NFIX: variants seen among roughly 807,000 people sequenced by gnomAD.
NFIX encodes nuclear factor I X.
In NFIX, 2 loss-of-function variants were observed where a neutral mutation model predicts 53.3. That is an observed-to-expected ratio of 0.04 (90% confidence interval 0.02 to 0.12). The LOEUF (loss-of-function observed/expected upper bound fraction) is 0.12, where lower values mean the gene tolerates loss of function less well. Among genes scored for constraint, NFIX ranks in the 10% least tolerant of loss-of-function variants. The pLI is 1.00. For synonymous variants in NFIX, 244 were observed against 289.0 expected, an observed-to-expected ratio of 0.84 and a Z score of 1.58; for missense variants, 310 against 674.5, an observed-to-expected ratio of 0.46 and a Z score of 5.99.
chr19:13,054,243 C>T (rs1284063106), intron 2 of NFIX, among the ~76,000 whole-genome samples: 2 of 152,208 alleles, frequency 1.3e-5, no homozygotes, highest in Non-Finnish European at 2.9e-5. Flanking sequence ...TCAACTCCAT[C>T]CCAGCTCCAG....
chr19:13,024,786 TG>T (rs2013189064), intron 1 of NFIX: 1 of 1,466,930 alleles, frequency 6.8e-7, no homozygotes, highest in African/African-American at 1.4e-5. Context: ...TCTGTCTGGC[TG>T]CTGAGGCTGA....
At chr19:13,057,110 C>T (rs762173862) in intron 2 of NFIX, among the ~76,000 whole-genome samples, 6 of 152,220 alleles carry the variant, frequency 3.9e-5, no homozygotes, top group Admixed American at 6.5e-5. Context: ...AGGGCAAGGC[C>T]GCACTTGTCA....
intron 2 of NFIX, among the ~76,000 whole-genome samples, chr19:13,031,129 G>C (rs182663034): frequency 2.6e-5 from 4 of 152,294 alleles, no homozygotes; most frequent in Admixed American, 2.0e-4. Context: ...AGACTCCTTT[G>C]ACCACCTGCT....
rs1370651030 is a variant in NFIX at position 13,068,118 on chromosome 19, A to T, written c.560-4929A>T. The stretch of plus-strand genomic sequence containing the variant: ...AGACTCCATCTCAAAAAAAAAACAA[A>T]AACAAAAACAAAAAACAAAAACATG... On this transcript the variant is annotated intron_variant, in intron 2 of 10. Transcript: ENST00000592199. The surrounding 1 kb of genome is among the most constrained non-coding windows in gnomAD (Gnocchi z 4.2). Among the ~76,000 whole-genome samples, 1 of 151,946 alleles carries T rather than the reference A, an allele frequency of 6.6e-6. No homozygotes were observed. Among genetic ancestry groups the T allele is most frequent in the Non-Finnish European group, 1.5e-5 (1 of 67,960 alleles).
Position 13,026,380 on chromosome 19 carries a change from CA to C in NFIX, c.559+842del, listed in dbSNP as rs764058826. Among the ~76,000 whole-genome samples, 244 of 128,830 alleles carry C rather than the reference CA, an allele frequency of 1.9e-3. 1 individual carries two copies. The highest frequency in any genetic ancestry group is 7.6e-3 in the Middle Eastern group (2 of 262). 84.5% of individuals were successfully genotyped at this position (128,830 alleles called of 152,430 possible). A position where few individuals can be genotyped will look rare whatever the true frequency, so the allele number is the denominator to read the frequency against. ...GTCTTAAACAAGCAAACAAACAAACCAAAAAAAAAAAAAACTCTGTAAAATC... is the reference window on the plus strand; with the variant it reads ...GTCTTAAACAAGCAAACAAACAAACCAAAAAAAAAAAAACTCTGTAAAATC... On this transcript the variant is annotated intron_variant, in intron 2 of 10. Coordinates refer to ENST00000592199, the MANE Select transcript of NFIX (RefSeq NM_001365902.3).
rs1185219526 is a variant in NFIX, at chr19:12,996,601, C to A, written c.27+737C>A. Among the ~76,000 whole-genome samples the A allele has an allele frequency of 1.3e-5, 2 of 152,154 alleles. No homozygotes were observed. The highest frequency in any genetic ancestry group is 1.5e-5 in the Non-Finnish European group (1 of 67,998). Reference sequence around the variant, plus strand: ...GGACGTCGCAGCCTCTGCCCCCCCACCCCCAAACTTTCCTCGGCGCAAACT... The same window carrying A: ...GGACGTCGCAGCCTCTGCCCCCCCAACCCCAAACTTTCCTCGGCGCAAACT... On this transcript the variant is annotated intron_variant, in intron 1 of 10. Transcript: ENST00000592199. The surrounding 1 kb of genome is among the most constrained non-coding windows in gnomAD (Gnocchi z 5.2).
In NFIX at chr19:13,093,448, G is replaced by C. The variant is rs754919204; in HGVS notation, c.1495-1187G>C. On this transcript the variant is annotated intron_variant, in intron 10 of 10. Coordinates refer to ENST00000592199, the MANE Select transcript of NFIX (RefSeq NM_001365902.3). This position sits in a 1 kb window ranked among gnomAD's most constrained non-coding sequence, Gnocchi z 4.7. ...GCCCTGGGCCCTCACCCTGACCCTA[G>C]GCAGGGCACAGGCATTCTGGCCACC... Among the ~76,000 whole-genome samples the C allele has an allele frequency of 1.1e-4, 17 of 152,190 alleles. No individual in the cohort carries two copies. The highest frequency in any genetic ancestry group is 2.1e-4 in the Non-Finnish European group (14 of 68,030).
At chr19:13,050,219 A>G (rs2015244739) in intron 2 of NFIX, among the ~76,000 whole-genome samples, 1 of 152,104 alleles carries the variant, frequency 6.6e-6, no homozygotes, top group South Asian at 2.1e-4. Context: ...TACTTCTCCT[A>G]TACTGCATAT....
rs2014779662 is a variant in NFIX at position 13,043,522 on chromosome 19, G to C, written c.559+17970G>C. 1.3e-5 allele frequency among the ~76,000 whole-genome samples: 2 copies of C among 152,234 alleles called. No individual in the cohort carries two copies. The highest frequency in any genetic ancestry group is 4.1e-4 in the South Asian group (2 of 4,834). On this transcript the variant is annotated intron_variant, in intron 2 of 10. Coordinates refer to ENST00000592199, the MANE Select transcript of NFIX (RefSeq NM_001365902.3). This position sits in a 1 kb window ranked among gnomAD's most constrained non-coding sequence, Gnocchi z 4.0. ...CTGCTGCTGACACCTGAGGCCAGCT[G>C]CGCAGTCTGCCACAAGGCCCCTGGG...
At chr19:13,091,740 A>T (rs988393532) in intron 10 of NFIX, among the ~76,000 whole-genome samples, 2 of 152,126 alleles carry the variant, frequency 1.3e-5, no homozygotes, top group Non-Finnish European at 2.9e-5. Context: ...CTCCCCTCCC[A>T]GCTCTGGGCT....
chr19:13,096,776 G>C lies in NFIX; in HGVS notation c.*2127G>C, dbSNP rs554089229. On this transcript the variant is annotated 3_prime_UTR_variant, in exon 11 of 11. Coordinates refer to ENST00000592199, the MANE Select transcript of NFIX (RefSeq NM_001365902.3). ...GGGCTCTGTGGGACTGTGGGAGCTA[G>C]GGTCTGCGGGGCGCCTGCCCGGGCG... is the stretch of plus-strand genomic sequence containing the variant. 28 of 152,068 alleles carry C rather than the reference G, an allele frequency of 1.8e-4. No individual in the cohort carries two copies. The highest frequency in any genetic ancestry group is 1.6e-3 in the Admixed American group (24 of 15,294). The allele number at this position is 152,068 out of a possible 1,614,324, so 9.4% of individuals were successfully genotyped here.
rs777578609 is a variant in NFIX, at chr19:13,011,477, C to G, written c.28-13544C>G. On this transcript the variant is annotated intron_variant, in intron 1 of 10. Transcript: ENST00000592199. The surrounding 1 kb of genome is among the most constrained non-coding windows in gnomAD (Gnocchi z 6.5). ...GCGCCCGGGCGGTGGAGGCGAGTTC[C>G]CTGCGCGCATCATGGACTTCAGGAG... Among the ~76,000 whole-genome samples, 2 of 152,118 alleles carry G rather than the reference C, an allele frequency of 1.3e-5. No individual in the cohort carries two copies. Among genetic ancestry groups the G allele is most frequent in the African/African-American group, 4.8e-5 (2 of 41,438 alleles).
Position 13,073,109 on chromosome 19 carries a change from G to A in NFIX, c.622G>A (p.Gly208Arg), listed in dbSNP as rs2016864350. 6.2e-7 allele frequency: 1 copy of A among 1,613,840 alleles called. No individual in the cohort carries two copies. The highest frequency in any genetic ancestry group is 8.5e-7 in the Non-Finnish European group (1 of 1,179,794). ...TGCGGACATCAAACCACTGCCCAACGGTCAGTGCCCCCCACCTGCCCAGCT... is the reference window on the plus strand; with the variant it reads ...TGCGGACATCAAACCACTGCCCAACAGTCAGTGCCCCCCACCTGCCCAGCT... ...GDADIKPLPN[G>R]HLSFQDCFVT... The change falls in exon 3 of 11, where the codon GGG becomes AGG. Residue 208 changes from glycine to arginine, a missense_variant and splice_region_variant. Gly to Arg is a moderately radical substitution (Grantham distance 125). Transcript: ENST00000592199. This position sits in a 1 kb window ranked among gnomAD's most constrained non-coding sequence, Gnocchi z 4.5.
Position 13,094,275 on chromosome 19 carries a change from A to G in NFIX, c.1495-360A>G, listed in dbSNP as rs1292097809. Among the ~76,000 whole-genome samples, 1 of 152,194 alleles carries G rather than the reference A, an allele frequency of 6.6e-6. No individual in the cohort carries two copies. The highest frequency in any genetic ancestry group is 6.5e-5 in the Admixed American group (1 of 15,280). On this transcript the variant is annotated intron_variant, in intron 10 of 10. Transcript: ENST00000592199. The surrounding 1 kb of genome is among the most constrained non-coding windows in gnomAD (Gnocchi z 4.3). Reference sequence around the variant, plus strand: ...CTGGGTACAAAAGCCCCAGCCTGGCATCTTCCCCACCCTCCAGGACCCACA... The same window carrying G: ...CTGGGTACAAAAGCCCCAGCCTGGCGTCTTCCCCACCCTCCAGGACCCACA...
At chr19:13,056,772 C>A (rs1238450191) in intron 2 of NFIX, among the ~76,000 whole-genome samples, 1 of 152,214 alleles carries the variant, frequency 6.6e-6, no homozygotes, top group Non-Finnish European at 1.5e-5. Context: ...ACTCAGGGCA[C>A]CTTGTTCAAA....
intron 2 of NFIX, among the ~76,000 whole-genome samples, chr19:13,053,667 A>T (rs552307773): frequency 6.6e-6 from 1 of 152,276 alleles, no homozygotes; most frequent in African/African-American, 2.4e-5. Context: ...TGGGGCACCT[A>T]GGAACTTCTG....
rs965783194 is a variant in NFIX at position 13,032,362 on chromosome 19, A to G, written c.559+6810A>G. Among the ~76,000 whole-genome samples, 12 of 152,228 alleles carry G rather than the reference A, an allele frequency of 7.9e-5. No individual in the cohort carries two copies. In the South Asian group the frequency reaches 2.1e-3, roughly 26 times the overall value. On this transcript the variant is annotated intron_variant, in intron 2 of 10. Coordinates refer to ENST00000592199, the MANE Select transcript of NFIX (RefSeq NM_001365902.3). The stretch of plus-strand genomic sequence containing the variant: ...ATAGTTATTGATTCATCCTACAAAC[A>G]CTTTGGGCAGATCTTATGTGCTAGG...
Position 13,073,072 on chromosome 19 carries a change from C to G in NFIX, c.585C>G (p.Asn195Lys). Residue 195 changes from asparagine (N) to lysine (K), a missense_variant, in exon 3 of 11, where the codon AAC becomes AAG. Around this residue, in one of 5 missense-constraint regions of NFIX, gnomAD observed 164 missense variants for 284.4 expected, o/e 0.58. Transcript: ENST00000592199. The surrounding 1 kb of genome is among the most constrained non-coding windows in gnomAD (Gnocchi z 4.5). ...TPESGQSDSS[N>K]QQGDADIKPL... ...AATCCGGACAATCAGATAGTTCAAA[C>G]CAGCAAGGAGATGCGGACATCAAAC... 6.2e-7 allele frequency: 1 copy of G among 1,614,002 alleles called. No individual in the cohort carries two copies. Among genetic ancestry groups the G allele is most frequent in the Admixed American group, 1.7e-5 (1 of 60,024 alleles).
rs1474915159 is a variant in NFIX at position 13,037,008 on chromosome 19, G to A, written c.559+11456G>A. ...TGGATAGGAAGCTTGAGTTGGGGGT[G>A]GGTGCTAAGCCTGGGCTGAACAGGG... On this transcript the variant is annotated intron_variant, in intron 2 of 10. Transcript: ENST00000592199. This position sits in a 1 kb window ranked among gnomAD's most constrained non-coding sequence, Gnocchi z 4.2. 6.6e-6 allele frequency among the ~76,000 whole-genome samples: 1 copy of A among 152,138 alleles called. No homozygotes were observed. The highest frequency in any genetic ancestry group is 1.9e-4 in the East Asian group (1 of 5,192).
Sources: allele counts gnomAD v4.1 joint callset (sites outside exome capture counted in the v4.1 genomes callset), GRCh38; gene constraint gnomAD v4.1.1; regional missense constraint gnomAD v4.1.1; non-coding constraint Gnocchi (gnomAD v3.1); transcripts MANE v1.5; gene names NCBI Gene and HGNC (gene_info 2026-07-23, HGNC 2026-07-21).